DHRS1: variants seen among roughly 807,000 people sequenced by gnomAD.
DHRS1 encodes dehydrogenase/reductase SDR family member 1.
DHRS1 carries 34 observed loss-of-function variants against 35.2 expected under a neutral mutation model. The observed-to-expected ratio is 0.97, with a 90% CI of 0.74 to 1.29. The LOEUF (loss-of-function observed/expected upper bound fraction) is 1.29, where lower values mean the gene tolerates loss of function less well. Among genes scored for constraint, DHRS1 ranks in the 50% most tolerant of loss-of-function variants. The pLI is 0.00. For synonymous variants in DHRS1, 133 were observed against 160.0 expected (o/e 0.83, Z 1.27); for missense variants, 354 against 403.6 (o/e 0.88, Z 1.05).
chr14:24,297,154 A>G (rs2041264435), intron 2 of DHRS1, among the ~76,000 whole-genome samples: 1 of 152,242 alleles, frequency 6.6e-6, no homozygotes, highest in African/African-American at 2.4e-5. Context: ...ACAGCATTGT[A>G]CTTTGCAAGT....
chr14:24,291,804 C>A, intron 6 of DHRS1, 179 bp from the exon 7 acceptor site: 1 of 658,038 alleles, frequency 1.5e-6, no homozygotes, highest in East Asian at 2.7e-5. Context: ...CTCCCCACAT[C>A]CAGGTGAGCC....
At chr14:24,292,527 T>C (rs2041179088) in intron 5 of DHRS1, 125 bp downstream of exon 5, 1 of 1,553,504 alleles carries the variant, frequency 6.4e-7, no homozygotes, top group Non-Finnish European at 8.8e-7. Flanking sequence ...TGTCCATGGA[T>C]GAGGCAGAGG....
Position 24,291,574 on chromosome 14 carries a change from C to A in DHRS1, c.706G>T (p.Val236Leu). Reference protein sequence around the residue: ...AETTELSGKCVVALATDPNIL... With the variant: ...AETTELSGKCLVALATDPNIL... ...ACTTCACCTGTTGCCAAAGCCACCACACATTTGCCACTCAATTCTGTGGTT... is the reference window on the plus strand; with the variant it reads ...ACTTCACCTGTTGCCAAAGCCACCAAACATTTGCCACTCAATTCTGTGGTT... Residue 236 changes from valine to leucine, a missense_variant, in exon 7 of 9, where the codon GTG becomes TTG. Transcript: ENST00000288111. 1 of 1,614,266 alleles carries A rather than the reference C, an allele frequency of 6.2e-7. No homozygotes were observed. Among genetic ancestry groups the A allele is most frequent in the Non-Finnish European group, 8.5e-7 (1 of 1,180,056 alleles).
intron 2 of DHRS1, 40 bp downstream of exon 2, chr14:24,298,917 G>A (rs775459252): frequency 6.4e-7 from 1 of 1,574,196 alleles, no homozygotes; most frequent in South Asian, 1.1e-5. Context: ...GGGCTCTCTC[G>A]GGTGGTTTCT....
intron 1 of DHRS1, 190 bp from the exon 2 acceptor site, chr14:24,299,320 G>A: frequency 1.8e-6 from 1 of 559,280 alleles, no homozygotes; most frequent in Non-Finnish European, 3.2e-6. Context: ...TCTTTTGGGA[G>A]GCCCAGAGAG....
chr14:24,293,649 G>A (rs1268338122), intron 4 of DHRS1: 1 of 151,998 alleles, frequency 6.6e-6, no homozygotes, highest in Non-Finnish European at 1.5e-5. Flanking sequence ...CTAATGTCTT[G>A]TGGGTGAGGG....
intron 6 of DHRS1, chr14:24,291,927 T>G: frequency 3.3e-6 from 2 of 605,900 alleles, no homozygotes; most frequent in Admixed American, 5.9e-5. Flanking sequence ...GCATGGTCTT[T>G]GGAGCTAGAC....
At position 24,296,845 on chromosome 14, in the gene DHRS1, A is replaced by C. The variant is rs759480397; in HGVS notation, c.187T>G (p.Cys63Gly). ...ACTTCACTCTCCTGGCTTGAATCGCACACCACAGGCACACATTGGCCCCCG... is the reference window on the plus strand; with the variant it reads ...ACTTCACTCTCCTGGCTTGAATCGCCCACCACAGGCACACATTGGCCCCCG... The part of the protein sequence containing the change: ...SLGGQCVPVV[C>G]DSSQESEVRS... The change falls in exon 3 of 9, where the codon TGC becomes GGC. Residue 63 changes from cysteine to glycine, a missense_variant. Cys to Gly is a radical substitution (Grantham distance 159). Coordinates refer to ENST00000288111, the MANE Select transcript of DHRS1 (RefSeq NM_001136050.3). The C allele has an allele frequency of 3.7e-6, 6 of 1,614,216 alleles. No individual in the cohort carries two copies. The highest frequency in any genetic ancestry group is 5.1e-6 in the Non-Finnish European group (6 of 1,180,028).
intron 1 of DHRS1, 47 bp from the exon 2 acceptor site, chr14:24,299,177 T>A: frequency 6.6e-7 from 1 of 1,522,904 alleles, no homozygotes; most frequent in Non-Finnish European, 8.9e-7. Context: ...AGACTGTGTG[T>A]GTGTTGGGGC....
rs778956936 is a variant in DHRS1, at chr14:24,292,753, G to A, written c.406C>T (p.Arg136Trp). The change falls in exon 5 of 9, where the codon CGG becomes TGG. Residue 136 changes from arginine (R) to tryptophan (W), a missense_variant. Physicochemically the swap from Arg to Trp is moderately radical, Grantham distance 101 (BLOSUM62 -3). Transcript: ENST00000288111. ...GHYFCSVYGARLMVPAGQGLI... is the reference protein window; with the variant it reads ...GHYFCSVYGAWLMVPAGQGLI... ...CCCTGGCCAGCTGGTACCATCAGCC[G>A]TGCCCCATACACTGAGCAAAAGTAG... The A allele has an allele frequency of 1.7e-5, 28 of 1,614,050 alleles. No homozygotes were observed. Among genetic ancestry groups the A allele is most frequent in the South Asian group, 1.1e-4 (10 of 91,092 alleles).
intron 4 of DHRS1, among the ~76,000 whole-genome samples, chr14:24,295,558 C>G (rs947218081): frequency 6.6e-6 from 1 of 152,130 alleles, no homozygotes; most frequent in Non-Finnish European, 1.5e-5. Context: ...GGCCCAAGGT[C>G]GAGGGTCTGG....
intron 4 of DHRS1, chr14:24,294,742 T>G (rs10138762): frequency 0.94 from 143,796 of 152,278 alleles, 67,960 homozygotes; most frequent in Non-Finnish European, 0.96. Context: ...AATGCGAAAG[T>G]CAAAGATGAT....
At chr14:24,292,569 G>T in intron 5 of DHRS1, 83 bp downstream of exon 5, 1 of 1,608,504 alleles carries the variant, frequency 6.2e-7, no homozygotes, top group South Asian at 1.1e-5. Flanking sequence ...TTACCATTCT[G>T]ACCACTGGGG....
intron 4 of DHRS1, 104 bp from the exon 5 acceptor site, chr14:24,292,888 A>G (rs2041187991): frequency 6.9e-7 from 1 of 1,442,790 alleles, no homozygotes; most frequent in African/African-American, 1.4e-5. Context: ...GTTGTCCACT[A>G]GGAAGGCTAC....
chr14:24,291,240 G>A (rs1456416713), intron 7 of DHRS1, 21 bp from the exon 8 acceptor site: 10 of 1,612,590 alleles, frequency 6.2e-6, no homozygotes, highest in Admixed American at 1.7e-5. Flanking sequence ...ACAGACAGGT[G>A]GAGATGGCAG....
At position 24,292,507 on chromosome 14, in the gene DHRS1, G is replaced by GC. The variant is rs2041178512; in HGVS notation, c.507+144dup. On this transcript the variant is annotated intron_variant, in intron 5 of 8. Coordinates refer to ENST00000288111, the MANE Select transcript of DHRS1 (RefSeq NM_001136050.3). The stretch of plus-strand genomic sequence containing the variant: ...CTCTAGCCAACCAAGAGGAGCACAA[G>GC]CAAAGGAACTGTCCATGGATGAGGC... 3 of 1,512,774 alleles carry GC rather than the reference G, an allele frequency of 2.0e-6. No homozygotes were observed. In the South Asian group the frequency reaches 3.5e-5, roughly 18 times the overall value. The allele number at this position is 1,512,774 out of a possible 1,614,324, so 93.7% of individuals were successfully genotyped here.
At position 24,299,724 on chromosome 14, in the gene DHRS1, T is replaced by TAG. The variant is rs536145770; in HGVS notation, c.-170_-169dup. The TAG allele has an allele frequency of 3.7e-4, 186 of 504,850 alleles. No individual in the cohort carries two copies. Among genetic ancestry groups the TAG allele is most frequent in the African/African-American group, 3.6e-3 (179 of 50,292 alleles). 31.3% of individuals were successfully genotyped at this position (504,850 alleles called of 1,614,324 possible). The stretch of plus-strand genomic sequence containing the variant: ...GACCCGGGGCGATTCTGTGCTGAGG[T>TAG]AGAGGGGCAGAGTCCCAGGCCAAAG... On this transcript the variant is annotated 5_prime_UTR_variant, in exon 1 of 9. Transcript: ENST00000288111.
At position 24,296,586 on chromosome 14, in the gene DHRS1, C is replaced by A; in HGVS notation, c.297G>T (p.Thr99=). Residue 99 remains threonine (T), a splice_region_variant and synonymous_variant, in exon 4 of 9, where the codon ACG becomes ACT. Coordinates refer to ENST00000288111, the MANE Select transcript of DHRS1 (RefSeq NM_001136050.3). Reference sequence around the variant, plus strand: ...ATGCCTTATTCCTGGTGTTCAGGATCGTCTGGAAGGCACAGGGAGGGTGAT... The same window carrying A: ...ATGCCTTATTCCTGGTGTTCAGGATAGTCTGGAAGGCACAGGGAGGGTGAT... ...LVNNAYAGVQ[T]ILNTRNKAFW... 1.2e-6 allele frequency: 2 copies of A among 1,613,812 alleles called. No homozygotes were observed. Among genetic ancestry groups the A allele is most frequent in the Non-Finnish European group, 1.7e-6 (2 of 1,179,968 alleles).
Position 24,290,692 on chromosome 14 carries a change from G to GAAGGGACCT in DHRS1, c.*158_*166dup, listed in dbSNP as rs903929500. ...AGGACAAGGAAAACCAAGGCACAAAGAAGGGACCTAGGCGCACCCCAGAAC... is the reference window on the plus strand; with the variant it reads ...AGGACAAGGAAAACCAAGGCACAAAGAAGGGACCTAAGGGACCTAGGCGCACCCCAGAAC... On this transcript the variant is annotated 3_prime_UTR_variant, in exon 9 of 9. Transcript: ENST00000288111. The GAAGGGACCT allele has an allele frequency of 2.2e-5, 16 of 731,366 alleles. No individual in the cohort carries two copies. Among genetic ancestry groups the GAAGGGACCT allele is most frequent in the Non-Finnish European group, 3.5e-5 (16 of 451,334 alleles). The allele number at this position is 731,366 out of a possible 1,614,324, so 45.3% of individuals were successfully genotyped here.
Sources: allele counts gnomAD v4.1 joint callset (sites outside exome capture counted in the v4.1 genomes callset), GRCh38; gene constraint gnomAD v4.1.1; transcripts MANE v1.5; gene names NCBI Gene and HGNC (gene_info 2026-07-23, HGNC 2026-07-21).